RIMS1: variants seen among roughly 807,000 people sequenced by gnomAD.
RIMS1 encodes the protein regulating synaptic membrane exocytosis protein 1.
In RIMS1, 83 loss-of-function variants were observed where a neutral mutation model predicts 214.1. That is an observed-to-expected ratio of 0.39 (90% CI 0.32 to 0.47). The LOEUF (loss-of-function observed/expected upper bound fraction) is 0.47, where lower values mean the gene tolerates loss of function less well. Among genes scored for constraint, RIMS1 ranks in the 20% least tolerant of loss-of-function variants. RIMS1 has a pLI of 0.99. For synonymous variants in RIMS1, 793 were observed against 786.8 expected (o/e 1.01, Z -0.13); for missense variants, 2,050 against 2,161.8 (o/e 0.95, Z 1.03).
intron 2 of RIMS1, among the ~76,000 whole-genome samples, chr6:71,975,381 A>G (rs1213877417): frequency 1.3e-5 from 2 of 152,182 alleles, no homozygotes; most frequent in African/African-American, 4.8e-5. Flanking sequence ...TAGAACTAAT[A>G]AAGTTAGAAT....
chr6:72,246,246 A>G (rs1172632946), intron 11 of RIMS1, among the ~76,000 whole-genome samples: 1 of 152,194 alleles, frequency 6.6e-6, no homozygotes. Context: ...GAAACTAGGT[A>G]GACACTTTAA....
intron 4 of RIMS1, among the ~76,000 whole-genome samples, chr6:72,147,357 A>G (rs2042894165): frequency 6.6e-6 from 1 of 152,230 alleles, no homozygotes; most frequent in Non-Finnish European, 1.5e-5. Context: ...TCTTAATTGG[A>G]TTACTGGCCT....
intron 2 of RIMS1, among the ~76,000 whole-genome samples, chr6:72,022,607 C>T (rs1288467624): frequency 1.3e-5 from 2 of 152,150 alleles, no homozygotes; most frequent in South Asian, 2.1e-4. Context: ...AAATGCTTTA[C>T]ATTATGCAGA....
chr6:72,400,887 C>A lies in RIMS1; in HGVS notation c.*173C>A. On this transcript the variant is annotated 3_prime_UTR_variant, in exon 34 of 34. Coordinates refer to ENST00000521978, the MANE Select transcript of RIMS1 (RefSeq NM_014989.7). ...TTATTTAAAACATGGCTTCATATGA[C>A]AGAACAAGGCAATCTATCAAATTTA... is the stretch of plus-strand genomic sequence containing the variant. 1 of 570,974 alleles carries A rather than the reference C, an allele frequency of 1.8e-6. No individual in the cohort carries two copies. 35.4% of individuals were successfully genotyped at this position (570,974 alleles called of 1,614,324 possible).
In RIMS1 at chr6:72,402,962, G is replaced by C. The variant is rs562324778; in HGVS notation, c.*2248G>C. 5 of 152,552 alleles carry C rather than the reference G, an allele frequency of 3.3e-5. No homozygotes were observed. The highest frequency in any genetic ancestry group is 1.2e-4 in the African/African-American group (5 of 41,512). The allele number at this position is 152,552 out of a possible 1,614,324, so 9.4% of individuals were successfully genotyped here. On this transcript the variant is annotated 3_prime_UTR_variant, in exon 34 of 34. Transcript: ENST00000521978. ...CACTGCACTATATTATGTCTTAATCGATGGCCCAAAGGGTACTTTGCATCA... is the reference window on the plus strand; with the variant it reads ...CACTGCACTATATTATGTCTTAATCCATGGCCCAAAGGGTACTTTGCATCA...
chr6:71,896,340 T>C (rs1156472231), intron 1 of RIMS1, among the ~76,000 whole-genome samples: 2 of 152,140 alleles, frequency 1.3e-5, no homozygotes, highest in Non-Finnish European at 2.9e-5. Flanking sequence ...AAGTAAAAAC[T>C]TGATGCTAGT....
chr6:72,047,972 A>T (rs1562198353), intron 2 of RIMS1, among the ~76,000 whole-genome samples: 1 of 152,194 alleles, frequency 6.6e-6, no homozygotes, highest in Admixed American at 6.5e-5. Context: ...TACTACTAGC[A>T]AAACAACTTA....
chr6:72,037,954 A>AT (rs1441863661), intron 2 of RIMS1, among the ~76,000 whole-genome samples: 2 of 150,794 alleles, frequency 1.3e-5, no homozygotes, highest in African/African-American at 2.4e-5. Flanking sequence ...CGAGTTGCTC[A>AT]TTTCTTAAGA....
intron 23 of RIMS1, among the ~76,000 whole-genome samples, chr6:72,275,678 G>T (rs2086004590): frequency 6.6e-6 from 1 of 151,942 alleles, no homozygotes; most frequent in African/African-American, 2.4e-5. Flanking sequence ...GAAATTCTGG[G>T]ACTAGAAAAA....
At position 72,390,628 on chromosome 6, in the gene RIMS1, T is replaced by C. The variant is rs1271819038; in HGVS notation, c.4397T>C (p.Ile1466Thr). Residue 1466 changes from isoleucine to threonine, a missense_variant, in exon 30 of 34, where the codon ATC (isoleucine) becomes ACC (threonine). By Grantham distance (89) the Ile-to-Thr change is moderately conservative (BLOSUM62 -1). Coordinates refer to ENST00000521978, the MANE Select transcript of RIMS1 (RefSeq NM_014989.7). The part of the protein sequence containing the change: ...ESGHKKLKST[I>T]QRSTETGMAA... ...GGCCACAAAAAGTTAAAAAGTACCA[T>C]CCAGAGAAGCACAGAAACAGGCATG... 6.2e-7 allele frequency: 1 copy of C among 1,613,596 alleles called. No homozygotes were observed. Among genetic ancestry groups the C allele is most frequent in the Non-Finnish European group, 8.5e-7 (1 of 1,179,744 alleles).
intron 26 of RIMS1, among the ~76,000 whole-genome samples, chr6:72,301,289 A>T (rs2094577242): frequency 6.6e-6 from 1 of 151,720 alleles, no homozygotes; most frequent in African/African-American, 2.4e-5. Flanking sequence ...GGGCATTTCT[A>T]TGTAGTCAAA....
rs117846441 is a variant in RIMS1 at position 72,201,975 on chromosome 6, G to A, written c.1678+18826G>A. ...ATTGGAAATCCAGATACTACCTTCCGTATCATACTTATTCATACCTCGTGG... is the reference window on the plus strand; with the variant it reads ...ATTGGAAATCCAGATACTACCTTCCATATCATACTTATTCATACCTCGTGG... On this transcript the variant is annotated intron_variant, in intron 6 of 33. Coordinates refer to ENST00000521978, the MANE Select transcript of RIMS1 (RefSeq NM_014989.7). Among the ~76,000 whole-genome samples the A allele has an allele frequency of 9.7e-4, 148 of 152,270 alleles. 1 individual carries two copies. The highest frequency in any genetic ancestry group is 2.0e-3 in the Non-Finnish European group (134 of 68,016).
intron 28 of RIMS1, among the ~76,000 whole-genome samples, chr6:72,331,935 T>C (rs1045286712): frequency 6.6e-6 from 1 of 151,802 alleles, no homozygotes. Context: ...GTCTCAATTT[T>C]CAATTCACAA....
intron 4 of RIMS1, among the ~76,000 whole-genome samples, chr6:72,149,097 GA>G: frequency 6.6e-6 from 1 of 152,166 alleles, no homozygotes; most frequent in Middle Eastern, 3.4e-3. Context: ...GTGCCTGTGG[GA>G]AAAAGCCTCT....
intron 4 of RIMS1, among the ~76,000 whole-genome samples, chr6:72,151,486 T>C (rs1441143555): frequency 6.6e-6 from 1 of 152,216 alleles, no homozygotes; most frequent in Non-Finnish European, 1.5e-5. Flanking sequence ...AACCTACTCA[T>C]ATTAGTGAAC....
intron 29 of RIMS1, among the ~76,000 whole-genome samples, chr6:72,367,115 G>A (rs915788266): frequency 1.3e-5 from 2 of 152,190 alleles, no homozygotes; most frequent in African/African-American, 2.4e-5. Context: ...TTTATTTATA[G>A]CATTGTAATA....
At chr6:72,109,381 A>AT (rs1562330711) in intron 4 of RIMS1, among the ~76,000 whole-genome samples, 1 of 151,244 alleles carries the variant, frequency 6.6e-6, no homozygotes, top group African/African-American at 2.4e-5. Context: ...TGACTTTTTA[A>AT]TGATTGCCAT....
At chr6:71,914,639 T>C (rs1286591441) in intron 1 of RIMS1, among the ~76,000 whole-genome samples, 5 of 152,166 alleles carry the variant, frequency 3.3e-5, no homozygotes, top group Non-Finnish European at 7.4e-5. Context: ...ACTTACTGAT[T>C]ACAAAACACA....
chr6:72,265,399 G>A lies in RIMS1; in HGVS notation c.3204G>A (p.Leu1068=). 1.9e-6 allele frequency: 3 copies of A among 1,576,806 alleles called. No individual in the cohort carries two copies. In the South Asian group the frequency reaches 3.4e-5, roughly 18 times the overall value. ...ATTTTAATTTGTGGAGCTCAATTCT[G>A]CCTGCACATACTAAGACCAAATCAG... is the stretch of plus-strand genomic sequence containing the variant. ...SSHWNIYSSI[L]PAHTKTKSVT... Residue 1068 remains leucine, a synonymous_variant, in exon 21 of 34, where the codon CTG becomes CTA. Transcript: ENST00000521978.
Sources: allele counts gnomAD v4.1 joint callset (sites outside exome capture counted in the v4.1 genomes callset), GRCh38; gene constraint gnomAD v4.1.1; transcripts MANE v1.5; gene names NCBI Gene and HGNC (gene_info 2026-07-23, HGNC 2026-07-21).